Variants in PRIM2 observed in about 807,000 individuals in gnomAD.
PRIM2 encodes DNA primase large subunit.
A neutral mutation model predicts 67.3 loss-of-function variants in PRIM2; 39 were observed. The ratio of observed to expected loss-of-function variants is 0.58; its 90% confidence interval spans 0.45 to 0.76. The LOEUF is 0.76. Among genes scored for constraint, PRIM2 ranks in the 30% least tolerant of loss-of-function variants. PRIM2 has a pLI of 0.00. For synonymous variants in PRIM2, 143 were observed against 198.7 expected, an observed-to-expected ratio of 0.72 and a Z score of 2.36; for missense variants, 398 against 598.7, an observed-to-expected ratio of 0.66 and a Z score of 3.50.
intron 12 of PRIM2, among the ~76,000 whole-genome samples, chr6:57,617,778 T>G (rs1776781565): frequency 6.6e-6 from 1 of 152,198 alleles, no homozygotes; most frequent in African/African-American, 2.4e-5. Flanking sequence ...TTTTCTTTTG[T>G]TACTTGTGCT....
chr6:57,577,118 G>T (rs1418662631), intron 10 of PRIM2, among the ~76,000 whole-genome samples: 1 of 152,116 alleles, frequency 6.6e-6, no homozygotes, highest in African/African-American at 2.4e-5. Flanking sequence ...AGCCTCTGCT[G>T]CTTTTTTAGC....
chr6:57,284,807 T>C, the PRIM2 span, among the ~76,000 whole-genome samples: 1 of 152,046 alleles, frequency 6.6e-6, no homozygotes, highest in Non-Finnish European at 1.5e-5. Context: ...CATACAAGGA[T>C]ATACATGTAA....
rs34491627 is a variant in PRIM2 at position 57,418,383 on chromosome 6, GTTTTTTTTTTTTTTTTT to G, written c.693+36233_693+36249del. ...TAAGGTAATGTTTCCTATGTGTGTG[GTTTTTTTTTTTTTTTTT>G]TTTTTTTTTTTTTTTTTAACAGATT... On this transcript the variant is annotated intron_variant, in intron 7 of 13. Transcript: ENST00000615550. Among the ~76,000 whole-genome samples the G allele has an allele frequency of 1.3e-3, 61 of 47,244 alleles. No individual in the cohort carries two copies. The South Asian group carries it at 0.042, about 32-fold the overall frequency. 31.0% of individuals were successfully genotyped at this position (47,244 alleles called of 152,430 possible).
intron 5 of PRIM2, among the ~76,000 whole-genome samples, chr6:57,336,642 T>C (rs1399493261): frequency 6.6e-6 from 1 of 151,850 alleles, no homozygotes; most frequent in Admixed American, 6.6e-5. Flanking sequence ...TAAAATCCTT[T>C]ACAGACAAGC....
the PRIM2 span, among the ~76,000 whole-genome samples, chr6:57,307,144 A>C: frequency 6.6e-6 from 1 of 152,100 alleles, no homozygotes; most frequent in Non-Finnish European, 1.5e-5. Flanking sequence ...GGTTGCAGTG[A>C]GCCGAGATCA....
At chr6:57,259,530 G>A in the PRIM2 span, among the ~76,000 whole-genome samples, 1 of 152,114 alleles carries the variant, frequency 6.6e-6, no homozygotes, top group East Asian at 1.9e-4. Flanking sequence ...TAAGAGATAA[G>A]GGTATGCCTG....
At position 57,412,998 on chromosome 6, in the gene PRIM2, C is replaced by A. The variant is rs112506844; in HGVS notation, c.693+30830C>A. On this transcript the variant is annotated intron_variant, in intron 7 of 13. Coordinates refer to ENST00000615550, the MANE Select transcript of PRIM2 (RefSeq NM_000947.5). ...ACACTTCATAAGCTTAATAAAAGAA[C>A]CTCAATGCTTGTAAGTTAGTTTTTT... 9.5e-3 allele frequency among the ~76,000 whole-genome samples: 1,443 copies of A among 152,208 alleles called. 13 individuals are homozygous for A. The highest frequency in any genetic ancestry group is 0.024 in the Middle Eastern group (7 of 294).
chr6:57,517,818 C>T (rs1774518821), intron 8 of PRIM2, among the ~76,000 whole-genome samples: 2 of 152,112 alleles, frequency 1.3e-5, no homozygotes, highest in Non-Finnish European at 2.9e-5. Context: ...AATGAGCTGT[C>T]CACCTGTGCA....
At chr6:57,615,318 C>T (rs1323484888) in intron 12 of PRIM2, among the ~76,000 whole-genome samples, 92 of 150,320 alleles carry the variant, frequency 6.1e-4, no homozygotes, top group Non-Finnish European at 9.4e-4. Context: ...ATGCAGGAGG[C>T]TGAGGTGGGA....
the PRIM2 span, among the ~76,000 whole-genome samples, chr6:57,274,434 G>A: frequency 6.6e-6 from 1 of 152,222 alleles, no homozygotes; most frequent in South Asian, 2.1e-4. Context: ...AGCCAGGTGT[G>A]GGACATAATC....
At chr6:57,592,430 G>T (rs1776296391) in intron 10 of PRIM2, among the ~76,000 whole-genome samples, 3 of 152,124 alleles carry the variant, frequency 2.0e-5, no homozygotes, top group Non-Finnish European at 4.4e-5. Context: ...CTCTCTAAAG[G>T]ATACTTTTTA....
intron 12 of PRIM2, among the ~76,000 whole-genome samples, chr6:57,621,674 T>A (rs1327703326): frequency 2.8e-4 from 43 of 152,282 alleles, no homozygotes; most frequent in Non-Finnish European, 5.0e-4. Flanking sequence ...CAATTACTGT[T>A]TTATGCATCT....
intron 10 of PRIM2, among the ~76,000 whole-genome samples, chr6:57,584,740 A>G (rs1450405504): frequency 6.6e-6 from 1 of 152,200 alleles, no homozygotes; most frequent in Non-Finnish European, 1.5e-5. Flanking sequence ...TTTGATTATA[A>G]AATGAACTAT....
the PRIM2 span, among the ~76,000 whole-genome samples, chr6:57,268,571 A>T: frequency 6.6e-6 from 1 of 152,162 alleles, no homozygotes; most frequent in Non-Finnish European, 1.5e-5. Flanking sequence ...GTTCTGAGGC[A>T]TTACAAGGAT....
chr6:57,282,678 C>A, the PRIM2 span, among the ~76,000 whole-genome samples: 1 of 152,278 alleles, frequency 6.6e-6, no homozygotes, highest in East Asian at 1.9e-4. Context: ...TATTAGGACT[C>A]AGACACACAC....
At chr6:57,613,324 C>T (rs1409168175) in intron 12 of PRIM2, among the ~76,000 whole-genome samples, 2,660 of 152,198 alleles carry the variant, frequency 0.017, 83 homozygotes, top group African/African-American at 0.06. Context: ...GATATGAGAA[C>T]TGTTGATTTT....
intron 10 of PRIM2, among the ~76,000 whole-genome samples, chr6:57,539,463 G>A (rs1426357236): frequency 3.3e-5 from 5 of 152,008 alleles, no homozygotes; most frequent in Admixed American, 1.3e-4. Context: ...ATTTGGTTGT[G>A]TCTAATTTGA....
chr6:57,639,819 G>T (rs1562808676), intron 13 of PRIM2, among the ~76,000 whole-genome samples: 1 of 151,238 alleles, frequency 6.6e-6, no homozygotes, highest in Non-Finnish European at 1.5e-5. Context: ...AGCAGAGCCG[G>T]TACCATTCTT....
At chr6:57,448,704 A>G (rs1489655900) in intron 7 of PRIM2, among the ~76,000 whole-genome samples, 1 of 152,182 alleles carries the variant, frequency 6.6e-6, no homozygotes, top group African/African-American at 2.4e-5. Context: ...AGCTTTGTCT[A>G]AAAATTTGGA....
Sources: allele counts gnomAD v4.1 joint callset (sites outside exome capture counted in the v4.1 genomes callset), GRCh38; gene constraint gnomAD v4.1.1; transcripts MANE v1.5; gene names NCBI Gene and HGNC (gene_info 2026-07-23, HGNC 2026-07-21).